Variants in SDC3 observed in about 807,000 individuals in gnomAD.
The protein encoded by SDC3 is syndecan 3.
Under a neutral mutation model 24.4 loss-of-function variants are expected in SDC3, and 13 were observed. The ratio of observed to expected loss-of-function variants is 0.53; its 90% CI spans 0.35 to 0.85. SDC3 has a LOEUF of 0.85. Among genes scored for constraint, SDC3 ranks in the 40% least tolerant of loss-of-function variants. The pLI is 0.01. For missense variants in SDC3, 571 were observed against 584.5 expected, an observed-to-expected ratio of 0.98 and a Z score of 0.24; for synonymous variants, 295 against 260.9, an observed-to-expected ratio of 1.13 and a Z score of -1.26.
chr1:30,903,294 T>A (rs1441548287), intron 1 of SDC3, among the ~76,000 whole-genome samples: 1 of 152,190 alleles, frequency 6.6e-6, no homozygotes, highest in Non-Finnish European at 1.5e-5. Flanking sequence ...ACTGGGGGCA[T>A]CTGGCACATA....
Position 30,870,323 on chromosome 1 carries a change from G to A in SDC3, c.*2888C>T. The A allele has an allele frequency of 1.2e-5, 2 of 163,648 alleles. No homozygotes were observed. Among genetic ancestry groups the A allele is most frequent in the East Asian group, 3.4e-4 (2 of 5,924 alleles). The allele number at this position is 163,648 out of a possible 1,614,324, so 10.1% of individuals were successfully genotyped here. On this transcript the variant is annotated 3_prime_UTR_variant, in exon 5 of 5. Coordinates refer to ENST00000339394, the MANE Select transcript of SDC3 (RefSeq NM_014654.4). ...TGGAGACAGGGTCTGGGCTCTCCAG[G>A]TCCTGGCCTGCCTCGTGCTCTGGCA... is the stretch of plus-strand genomic sequence containing the variant.
At chr1:30,905,356 AACACAC>A (rs74721441) in intron 1 of SDC3, among the ~76,000 whole-genome samples, 802 of 77,298 alleles carry the variant, frequency 0.01, 16 homozygotes, top group African/African-American at 0.038. Context: ...CTCTCTCACA[AACACAC>A]ACACACACAC....
chr1:30,908,604 G>C lies in SDC3; in HGVS notation c.-18C>G, dbSNP rs1038447702. The stretch of plus-strand genomic sequence containing the variant: ...GGCTTCATGGCGGCGGCGCGGGCGC[G>C]GGCGGCGGGCGGCGGGCGGGCGCCT... On this transcript the variant is annotated 5_prime_UTR_variant, in exon 1 of 5. Coordinates refer to ENST00000339394, the MANE Select transcript of SDC3 (RefSeq NM_014654.4). The C allele has an allele frequency of 2.5e-5, 23 of 915,474 alleles. No homozygotes were observed. In the South Asian group the frequency reaches 8.3e-4, roughly 33 times the overall value. The allele number at this position is 915,474 out of a possible 1,614,324, so 56.7% of individuals were successfully genotyped here. A position where few individuals can be genotyped will look rare whatever the true frequency, so the allele number is the denominator to read the frequency against.
chr1:30,908,601 C>G lies in SDC3; in HGVS notation c.-15G>C. On this transcript the variant is annotated 5_prime_UTR_variant, in exon 1 of 5. Transcript: ENST00000339394. Reference sequence around the variant, plus strand: ...CCCGGCTTCATGGCGGCGGCGCGGGCGCGGGCGGCGGGCGGCGGGCGGGCG... The same window carrying G: ...CCCGGCTTCATGGCGGCGGCGCGGGGGCGGGCGGCGGGCGGCGGGCGGGCG... 1 of 966,086 alleles carries G rather than the reference C, an allele frequency of 1.0e-6. No individual in the cohort carries two copies. The highest frequency in any genetic ancestry group is 1.2e-6 in the Non-Finnish European group (1 of 816,750). The allele number at this position is 966,086 out of a possible 1,614,324, so 59.8% of individuals were successfully genotyped here.
chr1:30,885,577 G>A (rs573302528), intron 1 of SDC3, among the ~76,000 whole-genome samples: 1 of 152,184 alleles, frequency 6.6e-6, no homozygotes, highest in Non-Finnish European at 1.5e-5. Flanking sequence ...GAGACTGTTC[G>A]TGAGGGACCT....
Position 30,869,536 on chromosome 1 carries a change from C to CAAAAAAAAA in SDC3, c.*3666_*3674dup, listed in dbSNP as rs11338317. 40 of 348,196 alleles carry CAAAAAAAAA rather than the reference C, an allele frequency of 1.1e-4. No homozygotes were observed. Among genetic ancestry groups the CAAAAAAAAA allele is most frequent in the African/African-American group, 2.3e-4 (9 of 38,436 alleles). The allele number at this position is 348,196 out of a possible 1,614,324, so 21.6% of individuals were successfully genotyped here. ...AGGAAGTGTTAAAAAAACAAACAAACAAAAAAAAAAAAAAAAAAAAAAAAA... is the reference window on the plus strand; with the variant it reads ...AGGAAGTGTTAAAAAAACAAACAAACAAAAAAAAAAAAAAAAAAAAAAAAAAAAAAAAAA... On this transcript the variant is annotated 3_prime_UTR_variant, in exon 5 of 5. Transcript: ENST00000339394.
At chr1:30,909,535 T>A (rs928231382), upstream of SDC3, among the ~76,000 whole-genome samples, 23 of 152,268 alleles carry the variant, frequency 1.5e-4, no homozygotes, top group African/African-American at 5.5e-4. Flanking sequence ...CTAGCGCTGG[T>A]GGTCTTTCTA....
intron 1 of SDC3, among the ~76,000 whole-genome samples, chr1:30,898,530 C>T (rs1172384271): frequency 6.6e-6 from 1 of 152,148 alleles, no homozygotes; most frequent in East Asian, 1.9e-4. Context: ...TGCCCAGCCC[C>T]CAGCTAGCTT....
chr1:30,889,622 T>C (rs1639877719), intron 1 of SDC3, among the ~76,000 whole-genome samples: 1 of 152,182 alleles, frequency 6.6e-6, no homozygotes, highest in South Asian at 2.1e-4. Context: ...CCTTCTGCCT[T>C]GTTGAATATA....
chr1:30,877,372 G>C, intron 2 of SDC3: 1 of 690,664 alleles, frequency 1.4e-6, no homozygotes. Context: ...TCTCTGCCAA[G>C]TCAAAAATTC....
chr1:30,887,966 G>A (rs1031745853), intron 1 of SDC3, among the ~76,000 whole-genome samples: 5 of 152,224 alleles, frequency 3.3e-5, no homozygotes, highest in Non-Finnish European at 7.3e-5. Context: ...GCTGGGAGGA[G>A]GGAAGAGAAA....
chr1:30,873,491 T>G (rs1639577915), intron 4 of SDC3, 114 bp from the exon 5 acceptor site: 1 of 692,784 alleles, frequency 1.4e-6, no homozygotes, highest in Middle Eastern at 3.7e-4. Context: ...AGATCTGAGT[T>G]GGAGTGATGA....
chr1:30,892,887 T>C (rs958366360), intron 1 of SDC3, among the ~76,000 whole-genome samples: 1 of 152,080 alleles, frequency 6.6e-6, no homozygotes. Flanking sequence ...TCCAAGTCCA[T>C]GTCAAGTCTC....
At chr1:30,891,929 G>T (rs543099898) in intron 1 of SDC3, among the ~76,000 whole-genome samples, 1 of 151,896 alleles carries the variant, frequency 6.6e-6, no homozygotes, top group Admixed American at 6.5e-5. Context: ...GGACCACAGA[G>T]GATCCTGAGT....
intron 1 of SDC3, among the ~76,000 whole-genome samples, chr1:30,880,215 C>A (rs981710477): frequency 6.6e-6 from 1 of 152,012 alleles, no homozygotes; most frequent in African/African-American, 2.4e-5. Flanking sequence ...TCCATGCTAA[C>A]GACCAGGAGC....
chr1:30,887,352 A>G (rs959760843), intron 1 of SDC3, among the ~76,000 whole-genome samples: 1 of 151,996 alleles, frequency 6.6e-6, no homozygotes, highest in Non-Finnish European at 1.5e-5. Context: ...CCCACTCCCA[A>G]ACTGGTTACC....
chr1:30,891,843 A>G (rs1292413977), intron 1 of SDC3, among the ~76,000 whole-genome samples: 2 of 135,648 alleles, frequency 1.5e-5, no homozygotes, highest in Admixed American at 1.5e-4. Context: ...ACACAGTGAG[A>G]CGCCGTCAAA....
In SDC3 at chr1:30,874,282, G is replaced by T; in HGVS notation, c.1162+15C>A. The T allele has an allele frequency of 6.3e-7, 1 of 1,589,174 alleles. No homozygotes were observed. The highest frequency in any genetic ancestry group is 1.1e-5 in the South Asian group (1 of 88,508). On this transcript the variant is annotated intron_variant, in intron 4 of 4. Transcript: ENST00000339394. Reference sequence around the variant, plus strand: ...ATCCTCCCAGGCTCCCCTTGGCCCAGACCCCAAGCCTCACCTACGAGCACC... The same window carrying T: ...ATCCTCCCAGGCTCCCCTTGGCCCATACCCCAAGCCTCACCTACGAGCACC...
At chr1:30,908,843 G>C (rs1237895260), upstream of SDC3, 1 of 798 alleles carries the variant, frequency 1.3e-3, no homozygotes, top group Admixed American at 0.036. Context: ...AGGGGCCCGG[G>C]GCGGGGCGGG....
Sources: gnomAD v4.1 joint callset for allele counts (sites outside exome capture counted in the v4.1 genomes callset) on GRCh38, gnomAD v4.1.1 for gene constraint, MANE v1.5 for transcripts, NCBI Gene and HGNC (gene_info 2026-07-23, HGNC 2026-07-21) for gene names.